Variants in PAGE2B observed in about 807,000 individuals in gnomAD.
PAGE2B encodes the protein PAGE family member 2B.
In PAGE2B, 5 loss-of-function variants were observed where a neutral mutation model predicts 7.6. The observed-to-expected ratio is 0.66, with a 90% CI of 0.34 to 1.38. The LOEUF is 1.38. Among genes scored for constraint, PAGE2B ranks in the 40% most tolerant of loss-of-function variants. The probability of loss-of-function intolerance (pLI) is 0.04; values close to 1 mark genes in which losing one functional copy is unlikely to be tolerated. For synonymous variants in PAGE2B, 29 were observed against 26.7 expected (o/e 1.09, Z -0.27); for missense variants, 70 against 78.4 (o/e 0.89, Z 0.41).
chrX:55,028,445 G>A, the PAGE2B span, among the ~76,000 whole-genome samples: 5 of 111,357 alleles, frequency 4.5e-5, no homozygotes, highest in African/African-American at 1.6e-4. Context: ...CAACATTGGG[G>A]TATGTAGTGG....
In PAGE2B at chrX:55,077,640, T is replaced by C. The variant is rs2146468703; in HGVS notation, c.319+116T>C. 3 of 1,144,141 alleles carry C rather than the reference T, an allele frequency of 2.6e-6. No homozygotes were observed. In the South Asian group the frequency reaches 6.1e-5, roughly 23 times the overall value. The allele number at this position is 1,144,141 out of a possible 1,213,427, so 94.3% of individuals were successfully genotyped here. ...TCATACTTCACGTCTGAAGGTTCTT[T>C]GAATGTAGTTCAGACCCCAAATGGC... On this transcript the variant is annotated intron_variant, in intron 4 of 4. Coordinates refer to ENST00000374971, the MANE Select transcript of PAGE2B (RefSeq NM_001015038.3).
At chrX:55,054,987 G>A in the PAGE2B span, 7 of 111,242 alleles carry the variant, frequency 6.3e-5, no homozygotes, top group Non-Finnish European at 1.3e-4. Context: ...CCACAACAGA[G>A]AGGAATATGA....
upstream of PAGE2B, among the ~76,000 whole-genome samples, chrX:55,073,344 C>T (rs1205516727): frequency 9.0e-6 from 1 of 111,017 alleles, no homozygotes; most frequent in Non-Finnish European, 1.9e-5. Flanking sequence ...CACGGGTAGG[C>T]GATGCCCCAC....
chrX:55,030,978 G>T, the PAGE2B span: 1 of 341,696 alleles, frequency 2.9e-6, no homozygotes, highest in South Asian at 2.6e-5. Context: ...AATGACAGGT[G>T]GGTACTTGGG....
the PAGE2B span, among the ~76,000 whole-genome samples, chrX:55,066,551 T>C: frequency 8.9e-6 from 1 of 112,158 alleles, no homozygotes; most frequent in Admixed American, 9.5e-5. Flanking sequence ...TTTCACCAGA[T>C]ATACTCTTCT....
the PAGE2B span, among the ~76,000 whole-genome samples, chrX:55,064,503 T>G: frequency 9.0e-6 from 1 of 111,656 alleles, no homozygotes; most frequent in African/African-American, 3.2e-5. Context: ...ACCAACTTTC[T>G]GTTTCATTGA....
chrX:55,074,987 T>C (rs180983227), upstream of PAGE2B: 2,362 of 113,957 alleles, frequency 0.021, 43 homozygotes, highest in African/African-American at 0.062. Flanking sequence ...CGCATGTCTG[T>C]TGCTACACGT....
At chrX:55,057,410 T>C in the PAGE2B span, among the ~76,000 whole-genome samples, 1 of 111,948 alleles carries the variant, frequency 8.9e-6, no homozygotes, top group East Asian at 2.8e-4. Context: ...TGTACATAGA[T>C]ATATAAATCC....
the PAGE2B span, among the ~76,000 whole-genome samples, chrX:55,067,231 G>T: frequency 9.1e-6 from 1 of 110,127 alleles, no homozygotes; most frequent in Non-Finnish European, 1.9e-5. Flanking sequence ...ACAGGCCCCG[G>T]TGTGTGATGT....
At chrX:55,058,805 T>C in the PAGE2B span, among the ~76,000 whole-genome samples, 1 of 111,107 alleles carries the variant, frequency 9.0e-6, no homozygotes, top group East Asian at 2.8e-4. Flanking sequence ...CTGCCTCCCT[T>C]ATGTAGTAAA....
chrX:55,037,991 T>G, the PAGE2B span, among the ~76,000 whole-genome samples: 3 of 108,751 alleles, frequency 2.8e-5, no homozygotes, highest in Non-Finnish European at 5.7e-5. Flanking sequence ...ACATGGCACA[T>G]GTATACATAT....
the PAGE2B span, among the ~76,000 whole-genome samples, chrX:55,034,491 C>G: frequency 9.0e-6 from 1 of 110,621 alleles, no homozygotes; most frequent in Non-Finnish European, 1.9e-5. Context: ...ACAGAGAATT[C>G]TCTTATCATT....
At chrX:55,045,412 T>C in the PAGE2B span, among the ~76,000 whole-genome samples, 2 of 111,942 alleles carry the variant, frequency 1.8e-5, no homozygotes, top group Non-Finnish European at 3.8e-5. Context: ...TCAGAAGTTG[T>C]TCCAGAGTTG....
the PAGE2B span, among the ~76,000 whole-genome samples, chrX:55,028,373 A>G: frequency 1.4e-4 from 16 of 111,268 alleles, no homozygotes; most frequent in African/African-American, 5.2e-4. Flanking sequence ...GGCAAGGCAG[A>G]TGACAAGGCT....
At chrX:55,062,706 T>C in the PAGE2B span, among the ~76,000 whole-genome samples, 1 of 112,074 alleles carries the variant, frequency 8.9e-6, no homozygotes, top group East Asian at 2.8e-4. Flanking sequence ...TCCCCAATGT[T>C]TTCCTTTGGT....
the PAGE2B span, among the ~76,000 whole-genome samples, chrX:55,042,653 C>CAAAAA: frequency 2.9e-3 from 34 of 11,868 alleles, 3 homozygotes; most frequent in African/African-American, 5.3e-3. Context: ...GACTCCGTCT[C>CAAAAA]AAAAAAAAAA....
the PAGE2B span, among the ~76,000 whole-genome samples, chrX:55,038,592 C>T: frequency 9.0e-6 from 1 of 111,630 alleles, no homozygotes; most frequent in Non-Finnish European, 1.9e-5. Context: ...GAGGGTTTAG[C>T]TGTCTCTTAC....
At chrX:55,044,375 A>G in the PAGE2B span, among the ~76,000 whole-genome samples, 1 of 111,673 alleles carries the variant, frequency 9.0e-6, no homozygotes, top group Non-Finnish European at 1.9e-5. Flanking sequence ...CAAATATTGT[A>G]TGTTCTCACT....
the PAGE2B span, among the ~76,000 whole-genome samples, chrX:55,030,083 A>C: frequency 9.0e-6 from 1 of 110,567 alleles, no homozygotes; most frequent in Non-Finnish European, 1.9e-5. Context: ...CCACCATGAA[A>C]GAATCATACA....
Sources: gnomAD v4.1 joint callset for allele counts (sites outside exome capture counted in the v4.1 genomes callset) on GRCh38, gnomAD v4.1.1 for gene constraint, MANE v1.5 for transcripts, NCBI Gene and HGNC (gene_info 2026-07-23, HGNC 2026-07-21) for gene names.